The following IQCM variants were observed in gnomAD, a reference collection of about 807,000 sequenced individuals.
The protein encoded by IQCM is IQ motif containing M.
A neutral mutation model predicts 57.6 loss-of-function variants in IQCM; 45 were observed. The ratio of observed to expected loss-of-function variants is 0.78; its 90% CI spans 0.62 to 1.00. The LOEUF (loss-of-function observed/expected upper bound fraction) is 1.00, where lower values mean the gene tolerates loss of function less well. Ranked by LOEUF, IQCM falls within the 50% of genes least tolerant of loss-of-function variation. IQCM has a pLI of 0.00. For synonymous variants in IQCM, 148 were observed against 158.9 expected, an observed-to-expected ratio of 0.93 and a Z score of 0.51; for missense variants, 468 against 511.6, an observed-to-expected ratio of 0.91 and a Z score of 0.82.
intron 11 of IQCM, among the ~76,000 whole-genome samples, chr4:149,551,414 C>A (rs1205356594): frequency 6.6e-6 from 1 of 151,990 alleles, no homozygotes; most frequent in African/African-American, 2.4e-5. Flanking sequence ...ATATTGAAAT[C>A]TGCATTACAA....
At chr4:149,591,175 A>G (rs1294437026) in intron 8 of IQCM, among the ~76,000 whole-genome samples, 2 of 152,044 alleles carry the variant, frequency 1.3e-5, no homozygotes, top group African/African-American at 2.4e-5. Context: ...AATTTACACA[A>G]TATTTTTACA....
intron 7 of IQCM, among the ~76,000 whole-genome samples, chr4:149,632,325 A>G (rs1348800466): frequency 3.9e-5 from 6 of 152,190 alleles, no homozygotes; most frequent in Admixed American, 2.6e-4. Context: ...AACAAAAACT[A>G]CCTACAAAAC....
At chr4:149,512,337 C>T (rs919279312) in intron 12 of IQCM, among the ~76,000 whole-genome samples, 1 of 152,126 alleles carries the variant, frequency 6.6e-6, no homozygotes, top group African/African-American at 2.4e-5. Context: ...GGGATTTCAG[C>T]ACTGACATGA....
chr4:149,481,711 T>TTTGTTTTTTGTTTTG (rs1560896074), intron 12 of IQCM, among the ~76,000 whole-genome samples: 3 of 137,806 alleles, frequency 2.2e-5, no homozygotes, highest in Non-Finnish European at 3.1e-5. Context: ...GTTTTTTTTT[T>TTTGTTTTTTGTTTTG]TTTTTTTTTT....
chr4:149,726,099 GA>G (rs1323617510), intron 5 of IQCM, among the ~76,000 whole-genome samples: 1 of 142,576 alleles, frequency 7.0e-6, no homozygotes, highest in Non-Finnish European at 1.5e-5. Flanking sequence ...AAGAAAGAAA[GA>G]AAGAAAGAAA....
intron 12 of IQCM, among the ~76,000 whole-genome samples, chr4:149,528,733 C>T (rs1259935484): frequency 6.6e-6 from 1 of 152,024 alleles, no homozygotes; most frequent in Non-Finnish European, 1.5e-5. Flanking sequence ...TCTCACATGC[C>T]ACAGTTTGTC....
intron 13 of IQCM, among the ~76,000 whole-genome samples, chr4:149,386,550 G>A (rs1400277848): frequency 6.6e-6 from 1 of 151,850 alleles, no homozygotes; most frequent in Non-Finnish European, 1.5e-5. Context: ...AACATAAATA[G>A]CAAGAATTCC....
At chr4:149,718,917 C>T (rs1157146166) in intron 5 of IQCM, among the ~76,000 whole-genome samples, 1 of 152,246 alleles carries the variant, frequency 6.6e-6, no homozygotes, top group Non-Finnish European at 1.5e-5. Context: ...ATATTAATCA[C>T]ATCAGCAAAG....
At chr4:149,426,942 T>A (rs929296510) in intron 13 of IQCM, among the ~76,000 whole-genome samples, 2 of 151,988 alleles carry the variant, frequency 1.3e-5, no homozygotes, top group South Asian at 4.1e-4. Context: ...GAAAACCCTA[T>A]ATAAGATCAA....
At chr4:149,481,482 A>G (rs1319196140) in intron 12 of IQCM, among the ~76,000 whole-genome samples, 1 of 151,990 alleles carries the variant, frequency 6.6e-6, no homozygotes, top group African/African-American at 2.4e-5. Context: ...ATGGATAACC[A>G]GTTTTCTCAG....
intron 12 of IQCM, among the ~76,000 whole-genome samples, chr4:149,545,661 A>G (rs1382915860): frequency 1.3e-5 from 2 of 152,318 alleles, no homozygotes; most frequent in Admixed American, 1.3e-4. Context: ...TAGAACTACC[A>G]TAAGATCCAA....
At chr4:149,800,480 G>A (rs1427162508) in intron 2 of IQCM, among the ~76,000 whole-genome samples, 2 of 151,894 alleles carry the variant, frequency 1.3e-5, no homozygotes, top group Non-Finnish European at 2.9e-5. Flanking sequence ...GCTTAGTACT[G>A]GAAGTCCTAG....
At chr4:149,358,811 A>G (rs1729202031) in intron 13 of IQCM, among the ~76,000 whole-genome samples, 1 of 81,378 alleles carries the variant, frequency 1.2e-5, no homozygotes, top group Non-Finnish European at 2.9e-5. Context: ...GGATCCACCC[A>G]AAAGAGGGAG....
chr4:149,487,379 T>G lies in IQCM; in HGVS notation c.1229-53822A>C, dbSNP rs1334400458. Among the ~76,000 whole-genome samples, 3 of 152,172 alleles carry G rather than the reference T, an allele frequency of 2.0e-5. No individual in the cohort carries two copies. The East Asian group carries it at 5.8e-4, about 29-fold the overall frequency. ...AGGATTCACTTTCATTGTTGCAAAC[T>G]ACACTGCCTGGGATTGGGGGAGAGA... On this transcript the variant is annotated intron_variant, in intron 12 of 13. Coordinates refer to ENST00000636793, the MANE Select transcript of IQCM (RefSeq NM_001363507.2).
intron 5 of IQCM, among the ~76,000 whole-genome samples, chr4:149,729,675 A>G (rs373276943): frequency 2.6e-5 from 4 of 152,206 alleles, no homozygotes; most frequent in African/African-American, 7.2e-5. Context: ...GGGTTTCACC[A>G]TGCTGGCCAG....
intron 12 of IQCM, among the ~76,000 whole-genome samples, chr4:149,522,942 T>C (rs1323384650): frequency 6.6e-6 from 1 of 152,098 alleles, no homozygotes; most frequent in African/African-American, 2.4e-5. Context: ...AACTATGATA[T>C]CTTAGTCAGC....
chr4:149,753,264 T>A (rs778743120), intron 2 of IQCM, among the ~76,000 whole-genome samples: 4 of 150,752 alleles, frequency 2.7e-5, no homozygotes, highest in Admixed American at 1.3e-4. Context: ...ATAAAAAAAA[T>A]GAAAAAGAAT....
intron 7 of IQCM, among the ~76,000 whole-genome samples, chr4:149,642,523 A>G (rs1368032959): frequency 1.3e-5 from 2 of 152,172 alleles, no homozygotes. Context: ...TTCAGCAAAT[A>G]AGAGATATTC....
intron 9 of IQCM, among the ~76,000 whole-genome samples, chr4:149,578,140 G>A (rs760085016): frequency 1.3e-4 from 20 of 151,716 alleles, no homozygotes; most frequent in Non-Finnish European, 2.9e-4. Context: ...GGTTTTCTAG[G>A]TTTAGAATCA....
Sources: gnomAD v4.1 joint callset for allele counts (sites outside exome capture counted in the v4.1 genomes callset) on GRCh38, gnomAD v4.1.1 for gene constraint, MANE v1.5 for transcripts, NCBI Gene and HGNC (gene_info 2026-07-23, HGNC 2026-07-21) for gene names.